The following GDA variants were observed in gnomAD, a reference collection of about 807,000 sequenced individuals.
GDA encodes cytoplasmic PSD-95 interactor.
GDA carries 18 observed loss-of-function variants against 59.6 expected under a neutral mutation model. The observed-to-expected ratio is 0.30, with a 90% CI of 0.21 to 0.45. The LOEUF is 0.45. Among genes scored for constraint, GDA ranks in the 20% least tolerant of loss-of-function variants. The probability of loss-of-function intolerance (pLI) is 1.00; values close to 1 mark genes in which losing one functional copy is unlikely to be tolerated. For synonymous variants in GDA, 201 were observed against 201.1 expected (o/e 1.00, Z 0.00); for missense variants, 427 against 552.3 (o/e 0.77, Z 2.27).
chr9:72,202,160 A>C (rs1270657604), intron 2 of GDA, among the ~76,000 whole-genome samples: 1 of 152,216 alleles, frequency 6.6e-6, no homozygotes, highest in Admixed American at 6.5e-5. Flanking sequence ...ACTGGTGTGC[A>C]CATTGCTCAG....
intron 1 of GDA, among the ~76,000 whole-genome samples, chr9:72,173,237 C>G (rs1830177493): frequency 6.6e-6 from 1 of 152,152 alleles, no homozygotes; most frequent in Non-Finnish European, 1.5e-5. Flanking sequence ...ATGCTGAGTT[C>G]CAGGAACTTC....
intron 1 of GDA, among the ~76,000 whole-genome samples, chr9:72,127,180 C>T (rs754849422): frequency 1.3e-5 from 2 of 151,542 alleles, no homozygotes; most frequent in Non-Finnish European, 2.9e-5. Flanking sequence ...GACTACTAAA[C>T]GGAGTAGAGT....
chr9:72,200,523 C>CT (rs1305932210), intron 2 of GDA, among the ~76,000 whole-genome samples: 4 of 151,008 alleles, frequency 2.6e-5, no homozygotes, highest in African/African-American at 9.7e-5. Context: ...ATTATAAAGT[C>CT]TTTGACGACA....
At chr9:72,234,792 G>A (rs1430974189) in intron 10 of GDA, among the ~76,000 whole-genome samples, 1 of 152,168 alleles carries the variant, frequency 6.6e-6, no homozygotes, top group East Asian at 1.9e-4. Flanking sequence ...AAGGAAAAAA[G>A]TCAATTATCA....
intron 1 of GDA, among the ~76,000 whole-genome samples, chr9:72,116,386 C>CTTTTTTTT (rs201791483): frequency 7.8e-6 from 1 of 128,328 alleles, no homozygotes; most frequent in Non-Finnish European, 1.6e-5. Flanking sequence ...TTTCCCCAGC[C>CTTTTTTTT]TTTTTTTTTT....
Position 72,225,750 on chromosome 9 carries a change from C to A in GDA, c.788C>A (p.Ser263Tyr). Reference protein sequence around the residue: ...NLYPSYKNYTSVYDKNNLLTN... With the variant: ...NLYPSYKNYTYVYDKNNLLTN... ...TACCCCAGTTATAAAAACTACACAT[C>A]TGTGTATGATAAAAACAATCTTTTG... is the stretch of plus-strand genomic sequence containing the variant. The change falls in exon 8 of 14, where the codon TCT becomes TAT. Residue 263 changes from serine to tyrosine, a missense_variant. By Grantham distance (144) the Ser-to-Tyr change is moderately radical. Coordinates refer to ENST00000358399, the MANE Select transcript of GDA (RefSeq NM_004293.5). The A allele has an allele frequency of 6.7e-7, 1 of 1,497,846 alleles. No homozygotes were observed. Among genetic ancestry groups the A allele is most frequent in the Non-Finnish European group, 9.2e-7 (1 of 1,081,780 alleles). The allele number at this position is 1,497,846 out of a possible 1,614,324, so 92.8% of individuals were successfully genotyped here.
At chr9:72,121,068 A>G (rs1348566005) in intron 1 of GDA, among the ~76,000 whole-genome samples, 1 of 152,226 alleles carries the variant, frequency 6.6e-6, no homozygotes, top group African/African-American at 2.4e-5. Flanking sequence ...AGAAGCATAT[A>G]AATAGCATTA....
chr9:72,161,724 A>G (rs905142788), intron 1 of GDA, among the ~76,000 whole-genome samples: 2 of 152,196 alleles, frequency 1.3e-5, no homozygotes, highest in African/African-American at 4.8e-5. Context: ...GCCACTTACA[A>G]TTTACAGTCC....
chr9:72,189,701 C>T (rs775267450), intron 1 of GDA, among the ~76,000 whole-genome samples: 8 of 152,068 alleles, frequency 5.3e-5, no homozygotes, highest in Admixed American at 3.3e-4. Context: ...GTTAGCCAGG[C>T]GTGGTGGCAC....
At position 72,231,268 on chromosome 9, in the gene GDA, G is replaced by A. The variant is rs1032950329; in HGVS notation, c.988+87G>A. 5.8e-5 allele frequency: 40 copies of A among 689,140 alleles called. No individual in the cohort carries two copies. The African/African-American group carries it at 7.3e-4, about 13-fold the overall frequency. The allele number at this position is 689,140 out of a possible 1,614,324, so 42.7% of individuals were successfully genotyped here. On this transcript the variant is annotated intron_variant, in intron 10 of 13. Coordinates refer to ENST00000358399, the MANE Select transcript of GDA (RefSeq NM_004293.5). The stretch of plus-strand genomic sequence containing the variant: ...TGACTAATTTGCAGGTGACTGTTCT[G>A]TTTAAAAAAAAAAAAAATTAGTTTT...
intron 3 of GDA, among the ~76,000 whole-genome samples, chr9:72,208,732 A>G (rs1835020914): frequency 6.6e-6 from 1 of 152,192 alleles, no homozygotes; most frequent in Admixed American, 6.5e-5. Context: ...TTCACACTTG[A>G]TTGATAATTT....
intron 10 of GDA, among the ~76,000 whole-genome samples, chr9:72,236,928 C>G (rs2131730903): frequency 6.6e-6 from 1 of 152,064 alleles, no homozygotes; most frequent in East Asian, 1.9e-4. Context: ...TACAGGCGTG[C>G]ACCACCACAT....
rs1236652378 is a variant in GDA, at chr9:72,250,350, G to A, written c.*2008G>A. On this transcript the variant is annotated 3_prime_UTR_variant, in exon 14 of 14. Coordinates refer to ENST00000358399, the MANE Select transcript of GDA (RefSeq NM_004293.5). ...AACATCAGTTTTCATGTAGACTTAG[G>A]ACTCATGTGCAGTAAATATAAATAA... The A allele has an allele frequency of 9.3e-7, 1 of 1,070,426 alleles. No homozygotes were observed. Among genetic ancestry groups the A allele is most frequent in the Non-Finnish European group, 1.1e-6 (1 of 883,092 alleles). The allele number at this position is 1,070,426 out of a possible 1,614,324, so 66.3% of individuals were successfully genotyped here. A position where few individuals can be genotyped will look rare whatever the true frequency, so the allele number is the denominator to read the frequency against.
rs1211477573 is a variant in GDA, at chr9:72,210,478, G to GA, written c.385-203dup. ...TGAAGCACAGAACTGTGTGAATCGA[G>GA]AAAAAATCAGAAGTATCAGCTTCTC... On this transcript the variant is annotated intron_variant, in intron 3 of 13. Coordinates refer to ENST00000358399, the MANE Select transcript of GDA (RefSeq NM_004293.5). Among the ~76,000 whole-genome samples, 4 of 152,234 alleles carry GA rather than the reference G, an allele frequency of 2.6e-5. No individual in the cohort carries two copies. The East Asian group carries it at 5.8e-4, about 22-fold the overall frequency.
At chr9:72,132,615 G>C (rs931066760) in intron 1 of GDA, among the ~76,000 whole-genome samples, 4 of 152,134 alleles carry the variant, frequency 2.6e-5, no homozygotes, top group African/African-American at 4.8e-5. Flanking sequence ...TCAGTCAAGA[G>C]GATGCTGTTG....
chr9:72,180,555 C>A (rs1163874044), intron 1 of GDA, among the ~76,000 whole-genome samples: 1 of 152,156 alleles, frequency 6.6e-6, no homozygotes, highest in Non-Finnish European at 1.5e-5. Flanking sequence ...TCTTAGTTGT[C>A]TACTTGCTGA....
chr9:72,183,196 G>A (rs1831460628), intron 1 of GDA, among the ~76,000 whole-genome samples: 1 of 152,158 alleles, frequency 6.6e-6, no homozygotes. Context: ...GATAAAGCTA[G>A]TATGTGTGTG....
intron 1 of GDA, among the ~76,000 whole-genome samples, chr9:72,121,584 C>T (rs1402084717): frequency 4.6e-5 from 7 of 152,182 alleles, no homozygotes; most frequent in East Asian, 3.9e-4. Flanking sequence ...GTGACAAGAG[C>T]GAAAGTCAGC....
chr9:72,228,381 T>G (rs1837870652), intron 9 of GDA: 1 of 270,566 alleles, frequency 3.7e-6, no homozygotes, highest in Non-Finnish European at 7.2e-6. Context: ...GTCACTCCCA[T>G]TACTGTTTGT....
Sources: gnomAD v4.1 joint callset for allele counts (sites outside exome capture counted in the v4.1 genomes callset) on GRCh38, gnomAD v4.1.1 for gene constraint, MANE v1.5 for transcripts, NCBI Gene and HGNC (gene_info 2026-07-23, HGNC 2026-07-21) for gene names.